The following ARHGAP26 variants were observed in gnomAD, a reference collection of about 807,000 sequenced individuals.
The protein encoded by ARHGAP26 is Rho GTPase activating protein 26.
In ARHGAP26, 38 loss-of-function variants were observed where a neutral mutation model predicts 104.8. The observed-to-expected ratio is 0.36, with a 90% CI of 0.28 to 0.48. ARHGAP26 has a LOEUF of 0.48. Among genes scored for constraint, ARHGAP26 ranks in the 20% least tolerant of loss-of-function variants. ARHGAP26 has a pLI of 0.99. For synonymous variants in ARHGAP26, 341 were observed against 340.0 expected (o/e 1.00, Z -0.03); for missense variants, 704 against 947.9 (o/e 0.74, Z 3.38).
At chr5:142,903,003 A>C (rs26692) in intron 7 of ARHGAP26, among the ~76,000 whole-genome samples, 150,759 of 152,290 alleles carry the variant, frequency 0.99, 74,630 homozygotes, top group East Asian at 1. Flanking sequence ...TGATCCTTCA[A>C]AGTCGCCCTG....
chr5:142,839,626 A>G (rs1366041062), intron 1 of ARHGAP26, among the ~76,000 whole-genome samples: 1 of 152,208 alleles, frequency 6.6e-6, no homozygotes, highest in Non-Finnish European at 1.5e-5. Context: ...TCATATAGGT[A>G]AAATAATCCC....
intron 1 of ARHGAP26, among the ~76,000 whole-genome samples, chr5:142,783,779 A>C (rs1050110076): frequency 6.6e-6 from 1 of 152,374 alleles, no homozygotes; most frequent in South Asian, 2.1e-4. Flanking sequence ...GGGTGTCACC[A>C]CCAGGAAATT....
At chr5:142,964,990 T>C (rs1771051887) in intron 11 of ARHGAP26, among the ~76,000 whole-genome samples, 1 of 152,068 alleles carries the variant, frequency 6.6e-6, no homozygotes, top group South Asian at 2.1e-4. Flanking sequence ...GTGTGAGTCA[T>C]CTCCAATGAT....
intron 11 of ARHGAP26, among the ~76,000 whole-genome samples, chr5:142,982,969 T>G (rs1774167318): frequency 6.6e-6 from 1 of 152,160 alleles, no homozygotes; most frequent in Non-Finnish European, 1.5e-5. Flanking sequence ...CATGCAGCCT[T>G]GCATCTGGGG....
At chr5:143,015,904 C>T (rs747507156) in intron 12 of ARHGAP26, among the ~76,000 whole-genome samples, 1 of 152,150 alleles carries the variant, frequency 6.6e-6, no homozygotes, top group Non-Finnish European at 1.5e-5. Flanking sequence ...TAAGGCATTT[C>T]GAGGATATGC....
chr5:143,199,715 G>A (rs1048887246), intron 20 of ARHGAP26, among the ~76,000 whole-genome samples: 3 of 152,128 alleles, frequency 2.0e-5, no homozygotes, highest in Admixed American at 2.0e-4. Context: ...ATATCACTGG[G>A]GACCTGGACT....
At chr5:142,925,835 G>T (rs1763830093) in intron 10 of ARHGAP26, among the ~76,000 whole-genome samples, 1 of 152,154 alleles carries the variant, frequency 6.6e-6, no homozygotes, top group Non-Finnish European at 1.5e-5. Flanking sequence ...ATGAACTCTT[G>T]CCAACAGAAG....
At chr5:143,154,988 A>C (rs1800302139) in intron 20 of ARHGAP26, among the ~76,000 whole-genome samples, 1 of 152,108 alleles carries the variant, frequency 6.6e-6, no homozygotes, top group South Asian at 2.1e-4. Context: ...TGAAAGAGGA[A>C]GTTTTCCTCT....
At chr5:143,140,425 A>G (rs2150941726) in intron 19 of ARHGAP26, among the ~76,000 whole-genome samples, 1 of 152,298 alleles carries the variant, frequency 6.6e-6, no homozygotes, top group East Asian at 1.9e-4. Context: ...TCATCTGTAA[A>G]ATCTATCACT....
intron 13 of ARHGAP26, 60 bp from the exon 14 acceptor site, chr5:143,041,756 A>G: frequency 1.7e-6 from 2 of 1,150,972 alleles, no homozygotes; most frequent in South Asian, 1.4e-5. Context: ...ATTTGGCTGG[A>G]TTGGCCTGAC....
chr5:142,788,913 C>G lies in ARHGAP26; in HGVS notation c.154+17998C>G, dbSNP rs191840359. Among the ~76,000 whole-genome samples, 419 of 152,286 alleles carry G rather than the reference C, an allele frequency of 2.8e-3. 1 individual carries two copies. Among genetic ancestry groups the G allele is most frequent in the African/African-American group, 9.7e-3 (405 of 41,548 alleles). ...TATAAAGTTTATTTCATTGAACCTT[C>G]ACAACAGTCTTAATGAGGTATGTAC... On this transcript the variant is annotated intron_variant, in intron 1 of 22. Coordinates refer to ENST00000645722, the MANE Select transcript of ARHGAP26 (RefSeq NM_001135608.3).
At chr5:143,101,654 T>A (rs1266038406) in intron 17 of ARHGAP26, among the ~76,000 whole-genome samples, 5 of 151,992 alleles carry the variant, frequency 3.3e-5, no homozygotes, top group Non-Finnish European at 2.9e-5. Flanking sequence ...TTTTTTTTAA[T>A]TTCCCTGAAA....
At chr5:142,917,034 G>C (rs1467544122) in intron 10 of ARHGAP26, among the ~76,000 whole-genome samples, 1 of 135,942 alleles carries the variant, frequency 7.4e-6, no homozygotes, top group Non-Finnish European at 1.5e-5. Context: ...TCAAGACTTT[G>C]GAATTTTTTT....
At chr5:142,816,104 T>G (rs1765085526) in intron 1 of ARHGAP26, among the ~76,000 whole-genome samples, 1 of 152,136 alleles carries the variant, frequency 6.6e-6, no homozygotes, top group Admixed American at 6.5e-5. Flanking sequence ...AGCCCCTCTG[T>G]GCTTCTGTAG....
At chr5:143,088,902 C>CGGAATGAGTCAGGGGGTAGCAGGTAATG (rs1483108820) in intron 17 of ARHGAP26, among the ~76,000 whole-genome samples, 5 of 151,848 alleles carry the variant, frequency 3.3e-5, no homozygotes, top group Non-Finnish European at 5.9e-5. Flanking sequence ...AGCAGATAAT[C>CGGAATGAGTCAGGGGGTAGCAGGTAATG]GGAATGAGTC....
chr5:142,911,975 A>G (rs1761888856), intron 9 of ARHGAP26, among the ~76,000 whole-genome samples: 1 of 152,254 alleles, frequency 6.6e-6, no homozygotes, highest in Non-Finnish European at 1.5e-5. Context: ...TTCTGATATT[A>G]GTGGGTGGTT....
rs7735044 is a variant in ARHGAP26, at chr5:142,926,582, G to A, written c.1029-5465G>A. Among the ~76,000 whole-genome samples the A allele has an allele frequency of 6.7e-3, 1,021 of 152,242 alleles. 13 individuals carry two copies. The highest frequency in any genetic ancestry group is 0.023 in the African/African-American group (975 of 41,534). On this transcript the variant is annotated intron_variant, in intron 10 of 22. Transcript: ENST00000645722. The stretch of plus-strand genomic sequence containing the variant: ...TATCAGATGTTAATTTTAAAAGGGA[G>A]TGGTAGGCCACTTTGTTGCGTTACT...
chr5:142,875,007 A>G (rs1755877490), intron 2 of ARHGAP26, 103 bp from the exon 3 acceptor site: 2 of 931,692 alleles, frequency 2.1e-6, no homozygotes, highest in African/African-American at 1.7e-5. Flanking sequence ...AGGCATCTGT[A>G]TGTGCCAAGG....
intron 17 of ARHGAP26, among the ~76,000 whole-genome samples, chr5:143,073,766 G>A (rs1369595724): frequency 6.6e-6 from 1 of 152,114 alleles, no homozygotes; most frequent in African/African-American, 2.4e-5. Flanking sequence ...TTCTTCTCCT[G>A]GCTTCTTTAT....
Sources: allele counts gnomAD v4.1 joint callset (sites outside exome capture counted in the v4.1 genomes callset), GRCh38; gene constraint gnomAD v4.1.1; transcripts MANE v1.5; gene names NCBI Gene and HGNC (gene_info 2026-07-23, HGNC 2026-07-21).